The following PITPNC1 variants were observed in gnomAD, a reference collection of about 807,000 sequenced individuals.
PITPNC1 encodes the protein phosphatidylinositol transfer protein cytoplasmic 1.
In PITPNC1, 18 loss-of-function variants were observed where a neutral mutation model predicts 44.7. The observed-to-expected ratio is 0.40, with a 90% CI of 0.28 to 0.60. PITPNC1 has a LOEUF of 0.60. PITPNC1 is among the 20% of genes least tolerant of loss of function. PITPNC1 has a pLI of 0.39. For missense variants in PITPNC1, 290 were observed against 418.4 expected (o/e 0.69, Z 2.68); for synonymous variants, 141 against 149.6 (o/e 0.94, Z 0.42).
intron 1 of PITPNC1, among the ~76,000 whole-genome samples, chr17:67,425,235 A>AGGGAGAGAGAGAGAGAAAT (rs2038742588): frequency 6.9e-6 from 1 of 144,446 alleles, no homozygotes; most frequent in African/African-American, 2.6e-5. Context: ...ACACACACAC[A>AGGGAGAGAGAGAGAGAAAT]CACACACACA....
intron 1 of PITPNC1, among the ~76,000 whole-genome samples, chr17:67,468,705 T>C: frequency 6.9e-6 from 1 of 143,924 alleles, no homozygotes; most frequent in Non-Finnish European, 1.5e-5. Flanking sequence ...GCCTGGCCGC[T>C]TTTTTTTTTG....
At chr17:67,655,707 G>A (rs72839423) in intron 6 of PITPNC1, among the ~76,000 whole-genome samples, 1,646 of 152,256 alleles carry the variant, frequency 0.011, 24 homozygotes, top group Non-Finnish European at 0.018. Context: ...GCCAAGGCAG[G>A]AAGTGTGCTT....
chr17:67,554,740 A>G (rs1322819133), intron 4 of PITPNC1, among the ~76,000 whole-genome samples: 1 of 152,204 alleles, frequency 6.6e-6, no homozygotes, highest in Non-Finnish European at 1.5e-5. Context: ...GAATGAACAC[A>G]CAAATTCTAG....
chr17:67,407,035 G>A (rs2038411212), intron 1 of PITPNC1, among the ~76,000 whole-genome samples: 1 of 152,204 alleles, frequency 6.6e-6, no homozygotes, highest in Non-Finnish European at 1.5e-5. Flanking sequence ...ACCTAGGGGT[G>A]GGATTGCTGG....
intron 4 of PITPNC1, among the ~76,000 whole-genome samples, chr17:67,567,694 G>A (rs1324331682): frequency 6.6e-6 from 1 of 151,942 alleles, no homozygotes; most frequent in Non-Finnish European, 1.5e-5. Context: ...TGAAAACATG[G>A]CCGGGCGCAG....
At chr17:67,574,692 G>A (rs113219525) in intron 4 of PITPNC1, among the ~76,000 whole-genome samples, 455 of 152,232 alleles carry the variant, frequency 3.0e-3, no homozygotes, top group Non-Finnish European at 4.9e-3. Context: ...TTTCAGTGAC[G>A]GCACTGAAGA....
Position 67,649,187 on chromosome 17 carries a change from G to A in PITPNC1, c.462+16949G>A, listed in dbSNP as rs142575413. 2.2e-3 allele frequency among the ~76,000 whole-genome samples: 331 copies of A among 152,274 alleles called. 6 individuals are homozygous for A. The East Asian group carries it at 0.042, about 19-fold the overall frequency. On this transcript the variant is annotated intron_variant, in intron 6 of 8. Coordinates refer to ENST00000581322, the MANE Select transcript of PITPNC1 (RefSeq NM_012417.4). ...AAAATAGTTGACTGTTTGCTGAGCC[G>A]GGAACTTGCAGGCCCACCCTCAATG...
intron 1 of PITPNC1, among the ~76,000 whole-genome samples, chr17:67,494,491 C>G (rs1430428769): frequency 6.6e-6 from 1 of 152,082 alleles, no homozygotes; most frequent in Non-Finnish European, 1.5e-5. Context: ...AGCCACCGTG[C>G]CCAGCCCTGT....
At chr17:67,504,814 A>C (rs923452326) in intron 1 of PITPNC1, among the ~76,000 whole-genome samples, 1 of 152,220 alleles carries the variant, frequency 6.6e-6, no homozygotes, top group Non-Finnish European at 1.5e-5. Context: ...CGCTGTCTTC[A>C]GGTGGAAGGT....
chr17:67,688,338 C>CCAAAAAAAAAAAAAAAA (rs538415017), intron 8 of PITPNC1, among the ~76,000 whole-genome samples: 1 of 54,396 alleles, frequency 1.8e-5, no homozygotes. Flanking sequence ...AATTCTGTCT[C>CCAAAAAAAAAAAAAAAA]AAAAAAAAAA....
chr17:67,657,378 C>T (rs1477904326), intron 6 of PITPNC1, among the ~76,000 whole-genome samples: 4 of 152,020 alleles, frequency 2.6e-5, no homozygotes, highest in African/African-American at 7.3e-5. Flanking sequence ...TGCAAAATAT[C>T]GACACAATGT....
At chr17:67,538,530 G>C (rs570061484) in intron 2 of PITPNC1, among the ~76,000 whole-genome samples, 1 of 152,174 alleles carries the variant, frequency 6.6e-6, no homozygotes, top group Non-Finnish European at 1.5e-5. Flanking sequence ...AGCCCTAGAG[G>C]TGGAGGTTGC....
At chr17:67,389,592 G>C (rs2038106262) in intron 1 of PITPNC1, among the ~76,000 whole-genome samples, 1 of 152,198 alleles carries the variant, frequency 6.6e-6, no homozygotes, top group Admixed American at 6.5e-5. Context: ...GATGGCCATA[G>C]TTGCACAAGT....
chr17:67,653,626 C>T (rs955228133), intron 6 of PITPNC1, among the ~76,000 whole-genome samples: 5 of 152,166 alleles, frequency 3.3e-5, no homozygotes, highest in East Asian at 1.9e-4. Context: ...TAAATAGGTA[C>T]GAATGAAAAA....
intron 5 of PITPNC1, among the ~76,000 whole-genome samples, chr17:67,621,213 T>TTTATG (rs1400634827): frequency 6.9e-6 from 1 of 145,802 alleles, no homozygotes; most frequent in African/African-American, 2.7e-5. Flanking sequence ...TTTATTTTAT[T>TTTATG]TTATTTTATT....
At chr17:67,686,106 C>T (rs147720424) in intron 8 of PITPNC1, among the ~76,000 whole-genome samples, 2,608 of 151,874 alleles carry the variant, frequency 0.017, 74 homozygotes, top group African/African-American at 0.06. Context: ...GCTGGGATTA[C>T]AGGCATGAGC....
At chr17:67,572,521 G>A (rs549266720) in intron 4 of PITPNC1, among the ~76,000 whole-genome samples, 1 of 146,046 alleles carries the variant, frequency 6.8e-6, no homozygotes, top group South Asian at 2.2e-4. Context: ...ACCATTCCTA[G>A]TGGTGCTGGT....
At position 67,497,925 on chromosome 17, in the gene PITPNC1, A is replaced by G. The variant is rs747220689; in HGVS notation, c.49-34877A>G. 4.6e-5 allele frequency among the ~76,000 whole-genome samples: 7 copies of G among 151,296 alleles called. 1 individual carries two copies. The Middle Eastern group carries it at 0.014, about 296-fold the overall frequency. ...GCCCAGGCTGGAGTGCAGTGGTTCA[A>G]TCTTGGCTCACTACAACCTTCATTT... is the stretch of plus-strand genomic sequence containing the variant. On this transcript the variant is annotated intron_variant, in intron 1 of 8. Transcript: ENST00000581322.
At chr17:67,530,464 A>C (rs978949595) in intron 1 of PITPNC1, among the ~76,000 whole-genome samples, 3 of 152,042 alleles carry the variant, frequency 2.0e-5, no homozygotes, top group Admixed American at 2.0e-4. Context: ...TCCCTGTCTA[A>C]GTTTCCCTTT....
Sources: gnomAD v4.1 joint callset for allele counts (sites outside exome capture counted in the v4.1 genomes callset) on GRCh38, gnomAD v4.1.1 for gene constraint, MANE v1.5 for transcripts, NCBI Gene and HGNC (gene_info 2026-07-23, HGNC 2026-07-21) for gene names.